CABCOCO1: variants seen among roughly 807,000 people sequenced by gnomAD.
CABCOCO1 encodes ciliary-associated calcium-binding coiled-coil protein 1.
In CABCOCO1, 28 loss-of-function variants were observed where a neutral mutation model predicts 35.7. The observed-to-expected ratio is 0.78, with a 90% CI of 0.58 to 1.07. CABCOCO1 has a LOEUF of 1.07. Ranked by LOEUF, CABCOCO1 falls within the 50% of genes least tolerant of loss-of-function variation. CABCOCO1 has a pLI of 0.00. For synonymous variants in CABCOCO1, 95 were observed against 100.1 expected, an observed-to-expected ratio of 0.95 and a Z score of 0.30; for missense variants, 326 against 309.2, an observed-to-expected ratio of 1.05 and a Z score of -0.41.
chr10:61,732,664 C>T (rs141806077), intron 5 of CABCOCO1, among the ~76,000 whole-genome samples: 8 of 152,094 alleles, frequency 5.3e-5, no homozygotes, highest in Admixed American at 2.0e-4. Context: ...ACTGCTCCTG[C>T]GACTTTTCAA....
At chr10:61,680,699 T>TGTTATAC (rs1839752250) in intron 2 of CABCOCO1, among the ~76,000 whole-genome samples, 1 of 120,456 alleles carries the variant, frequency 8.3e-6, no homozygotes, top group African/African-American at 3.0e-5. Context: ...ATAACATATA[T>TGTTATAC]ATGTTATACA....
intron 2 of CABCOCO1, among the ~76,000 whole-genome samples, chr10:61,676,281 T>A (rs184853887): frequency 3.4e-4 from 52 of 152,278 alleles, no homozygotes; most frequent in Non-Finnish European, 5.3e-4. Flanking sequence ...ATAAATCAGT[T>A]CATTGGTGAA....
chr10:61,676,375 A>C (rs1173166455), intron 2 of CABCOCO1, among the ~76,000 whole-genome samples: 1 of 152,194 alleles, frequency 6.6e-6, no homozygotes, highest in Non-Finnish European at 1.5e-5. Context: ...ATTAAAATTA[A>C]ATCCAATATG....
intron 3 of CABCOCO1, chr10:61,685,391 T>C (rs1839924410): frequency 6.6e-6 from 1 of 152,268 alleles, no homozygotes; most frequent in Non-Finnish European, 1.5e-5. Context: ...TTTGCAGTTT[T>C]CATGCTTTTA....
At chr10:61,666,544 A>G (rs1167970399) in intron 1 of CABCOCO1, among the ~76,000 whole-genome samples, 1 of 152,174 alleles carries the variant, frequency 6.6e-6, no homozygotes, top group African/African-American at 2.4e-5. Context: ...TGTCATTCTT[A>G]CTGTCGGTCT....
At chr10:61,679,832 T>C (rs950787190) in intron 2 of CABCOCO1, among the ~76,000 whole-genome samples, 5 of 151,380 alleles carry the variant, frequency 3.3e-5, no homozygotes, top group African/African-American at 1.2e-4. Context: ...TTAAAACATA[T>C]GAAGCAACTA....
chr10:61,678,422 T>G (rs1347322260), intron 2 of CABCOCO1, among the ~76,000 whole-genome samples: 1 of 152,144 alleles, frequency 6.6e-6, no homozygotes, highest in Non-Finnish European at 1.5e-5. Flanking sequence ...ACCACCATCA[T>G]CAGGATGTCT....
chr10:61,741,423 G>A (rs748690292), intron 5 of CABCOCO1, among the ~76,000 whole-genome samples: 1 of 152,086 alleles, frequency 6.6e-6, no homozygotes, highest in Non-Finnish European at 1.5e-5. Context: ...GTGAATGAGT[G>A]CCACCTATTT....
At chr10:61,732,054 C>T (rs1472154136) in intron 5 of CABCOCO1, among the ~76,000 whole-genome samples, 1 of 151,996 alleles carries the variant, frequency 6.6e-6, no homozygotes, top group Non-Finnish European at 1.5e-5. Flanking sequence ...TATTGTTTGT[C>T]AGACTGTATA....
chr10:61,687,259 G>T (rs907873902), intron 4 of CABCOCO1, among the ~76,000 whole-genome samples: 5 of 152,190 alleles, frequency 3.3e-5, no homozygotes, highest in Non-Finnish European at 7.4e-5. Flanking sequence ...CTCAATAAAA[G>T]CCAGAGTAGT....
intron 7 of CABCOCO1, among the ~76,000 whole-genome samples, chr10:61,762,440 A>G (rs1842026832): frequency 6.6e-6 from 1 of 152,100 alleles, no homozygotes; most frequent in Non-Finnish European, 1.5e-5. Context: ...TTAGGCATGG[A>G]GAGGATGTGG....
intron 5 of CABCOCO1, among the ~76,000 whole-genome samples, chr10:61,735,597 A>G (rs927087902): frequency 6.6e-6 from 1 of 152,078 alleles, no homozygotes; most frequent in Non-Finnish European, 1.5e-5. Context: ...TTTATCTATC[A>G]CCTAAGTTTA....
intron 1 of CABCOCO1, among the ~76,000 whole-genome samples, 176 bp from the exon 2 acceptor site, chr10:61,672,456 G>T (rs1589109892): frequency 6.6e-6 from 1 of 152,274 alleles, no homozygotes; most frequent in South Asian, 2.1e-4. Context: ...TGACTTTTCA[G>T]GTGAAAGGTA....
chr10:61,695,806 G>A (rs1259763837), intron 5 of CABCOCO1, among the ~76,000 whole-genome samples: 1 of 151,838 alleles, frequency 6.6e-6, no homozygotes, highest in African/African-American at 2.4e-5. Context: ...TAAGAAAAAG[G>A]CAAAGAAGGC....
chr10:61,702,006 G>A (rs903542016), intron 5 of CABCOCO1: 3 of 183,492 alleles, frequency 1.6e-5, no homozygotes, highest in African/African-American at 7.1e-5. Flanking sequence ...AAATGGAAGG[G>A]ATGAGATGTG....
intron 5 of CABCOCO1, among the ~76,000 whole-genome samples, chr10:61,715,733 T>A (rs1203286921): frequency 6.6e-6 from 1 of 152,202 alleles, no homozygotes; most frequent in Non-Finnish European, 1.5e-5. Context: ...CAGCATTTGC[T>A]TGTCTGTAAA....
intron 5 of CABCOCO1, among the ~76,000 whole-genome samples, chr10:61,751,846 C>T (rs1458074726): frequency 1.3e-5 from 2 of 152,158 alleles, no homozygotes; most frequent in Admixed American, 1.3e-4. Context: ...CAATCCAGAA[C>T]TCTGACTACA....
At chr10:61,666,242 G>T (rs183899537) in intron 1 of CABCOCO1, among the ~76,000 whole-genome samples, 1 of 152,094 alleles carries the variant, frequency 6.6e-6, no homozygotes, top group African/African-American at 2.4e-5. Context: ...GAGAAAACTC[G>T]GGGCTCAATT....
At chr10:61,709,960 A>T (rs1840688261) in intron 5 of CABCOCO1, among the ~76,000 whole-genome samples, 1 of 152,076 alleles carries the variant, frequency 6.6e-6, no homozygotes, top group South Asian at 2.1e-4. Context: ...AACGACTTGA[A>T]TTAAAGCATG....
Sources: gnomAD v4.1 joint callset for allele counts (sites outside exome capture counted in the v4.1 genomes callset) on GRCh38, gnomAD v4.1.1 for gene constraint, MANE v1.5 for transcripts, NCBI Gene and HGNC (gene_info 2026-07-23, HGNC 2026-07-21) for gene names.